The following FOXP1 variants were observed in gnomAD, a reference collection of about 807,000 sequenced individuals.
The protein encoded by FOXP1 is forkhead box P1.
Under a neutral mutation model 98.2 loss-of-function variants are expected in FOXP1, and 15 were observed. The ratio of observed to expected loss-of-function variants is 0.15; its 90% CI spans 0.10 to 0.24. The LOEUF (loss-of-function observed/expected upper bound fraction) is 0.24. Among genes scored for constraint, FOXP1 ranks in the 10% least tolerant of loss-of-function variants. The probability of loss-of-function intolerance (pLI) is 1.00; values close to 1 mark genes in which losing one functional copy is unlikely to be tolerated. For missense variants in FOXP1, 633 were observed against 848.5 expected, an observed-to-expected ratio of 0.75 and a Z score of 3.15; for synonymous variants, 371 against 314.5, an observed-to-expected ratio of 1.18 and a Z score of -1.90.
chr3:71,303,508 AAG>A (rs546671383), intron 4 of FOXP1, among the ~76,000 whole-genome samples: 83 of 152,316 alleles, frequency 5.4e-4, no homozygotes, highest in Middle Eastern at 3.4e-3. Flanking sequence ...GCCAATTTCC[AAG>A]AGTTTGCTGC....
chr3:71,386,203 G>A (rs560488878), intron 3 of FOXP1, among the ~76,000 whole-genome samples: 22 of 152,102 alleles, frequency 1.4e-4, no homozygotes, highest in Non-Finnish European at 2.8e-4. Context: ...TCCTATCTGG[G>A]CTCCTCACTA....
intron 3 of FOXP1, among the ~76,000 whole-genome samples, chr3:71,445,748 C>T (rs796071236): frequency 3.4e-5 from 5 of 147,894 alleles, no homozygotes; most frequent in Non-Finnish European, 4.4e-5. Context: ...AGTGCAGTGG[C>T]GCAATCTCAG....
intron 2 of FOXP1, among the ~76,000 whole-genome samples, chr3:71,494,925 AAAAAAGAAAAGAAAAAAG>A (rs1304611721): frequency 1.3e-5 from 2 of 152,064 alleles, no homozygotes; most frequent in African/African-American, 4.8e-5. Flanking sequence ...TAGAAAAAAA[AAAAAAGAAAAGAAAAAAG>A]AAAAAGAAAA....
chr3:71,319,822 T>A (rs1033764437), intron 4 of FOXP1, among the ~76,000 whole-genome samples: 8 of 152,086 alleles, frequency 5.3e-5, no homozygotes, highest in Admixed American at 6.6e-5. Context: ...AGCACCCTCT[T>A]CTCCGCCAAT....
intron 3 of FOXP1, among the ~76,000 whole-genome samples, chr3:71,374,426 G>C (rs1430501031): frequency 6.6e-6 from 1 of 151,888 alleles, no homozygotes; most frequent in Non-Finnish European, 1.5e-5. Context: ...AAACCAGTTT[G>C]TACTAAAAAT....
intron 5 of FOXP1, among the ~76,000 whole-genome samples, chr3:71,298,603 T>C (rs1012441423): frequency 6.6e-6 from 1 of 152,210 alleles, no homozygotes; most frequent in South Asian, 2.1e-4. Context: ...GAAACGTATG[T>C]TTGTCCTCTC....
intron 5 of FOXP1, among the ~76,000 whole-genome samples, chr3:71,281,270 A>T (rs2071535680): frequency 2.0e-5 from 3 of 151,980 alleles, no homozygotes; most frequent in Admixed American, 1.3e-4. Flanking sequence ...AAAAGGACAG[A>T]TTCTGGAGTT....
In FOXP1 at chr3:71,015,620, A is replaced by C; in HGVS notation, c.903T>G (p.Pro301=). 1 of 1,612,978 alleles carries C rather than the reference A, an allele frequency of 6.2e-7. No homozygotes were observed. Among genetic ancestry groups the C allele is most frequent in the Non-Finnish European group, 8.5e-7 (1 of 1,179,130 alleles). The change falls in exon 12 of 21, where the codon CCT becomes CCG. Residue 301 remains proline, a synonymous_variant. Transcript: ENST00000649528. ...ACTTGCATACACCATGTCCATAGAG[A>C]GGATGGCTATGGGGGTGCTCCTCAT... is the stretch of plus-strand genomic sequence containing the variant. ...LSHEEHPHSH[P]LYGHGVCKWP...
At chr3:71,286,507 G>A (rs1387819290) in intron 5 of FOXP1, among the ~76,000 whole-genome samples, 2 of 152,062 alleles carry the variant, frequency 1.3e-5, no homozygotes, top group Non-Finnish European at 2.9e-5. Context: ...CCCAACCAAA[G>A]CAAAATTTGC....
intron 20 of FOXP1, among the ~76,000 whole-genome samples, chr3:70,960,178 T>C (rs2032992017): frequency 1.3e-5 from 2 of 152,014 alleles, no homozygotes; most frequent in African/African-American, 4.8e-5. Context: ...AACTCCAAAT[T>C]AATGCATATT....
chr3:71,122,231 G>A (rs1023122172), intron 6 of FOXP1, among the ~76,000 whole-genome samples: 39 of 152,176 alleles, frequency 2.6e-4, no homozygotes, highest in African/African-American at 8.7e-4. Flanking sequence ...ACCTATGAAT[G>A]CTTTGCTTCA....
At chr3:71,348,784 TTGTC>T (rs2077577341) in intron 4 of FOXP1, among the ~76,000 whole-genome samples, 1 of 152,074 alleles carries the variant, frequency 6.6e-6, no homozygotes, top group African/African-American at 2.4e-5. Context: ...TACTCTGTGT[TTGTC>T]TGTTCACCTT....
chr3:71,220,528 G>A (rs531783500), intron 5 of FOXP1, among the ~76,000 whole-genome samples: 2 of 152,130 alleles, frequency 1.3e-5, no homozygotes, highest in South Asian at 4.1e-4. Flanking sequence ...CAGGTGGATC[G>A]CCTGAGCTTA....
intron 3 of FOXP1, among the ~76,000 whole-genome samples, chr3:71,438,397 TCC>T (rs1262150046): frequency 6.6e-6 from 1 of 152,222 alleles, no homozygotes; most frequent in African/African-American, 2.4e-5. Context: ...CACTTCTTTA[TCC>T]ACCTTTAAGA....
intron 4 of FOXP1, among the ~76,000 whole-genome samples, chr3:71,325,581 C>T (rs1452331507): frequency 6.6e-6 from 1 of 152,018 alleles, no homozygotes; most frequent in Non-Finnish European, 1.5e-5. Context: ...CAAGTTTGAC[C>T]AACAATACCA....
chr3:71,046,782 C>G (rs569289116), intron 10 of FOXP1, among the ~76,000 whole-genome samples, 160 bp downstream of exon 10: 1 of 152,316 alleles, frequency 6.6e-6, no homozygotes, highest in African/African-American at 2.4e-5. Flanking sequence ...AAGCATTTCA[C>G]CTTCTACATG....
At chr3:71,037,016 T>A (rs1286227438) in intron 11 of FOXP1, among the ~76,000 whole-genome samples, 1 of 152,202 alleles carries the variant, frequency 6.6e-6, no homozygotes, top group African/African-American at 2.4e-5. Flanking sequence ...ATCTTGGATA[T>A]GCCACTAACC....
intron 2 of FOXP1, among the ~76,000 whole-genome samples, chr3:71,511,816 A>G (rs756510003): frequency 3.3e-5 from 5 of 152,222 alleles, no homozygotes; most frequent in Non-Finnish European, 5.9e-5. Context: ...GGATAAATAT[A>G]TTCATGTGTA....
intron 1 of FOXP1, chr3:71,582,787 C>T: frequency 2.0e-6 from 2 of 985,180 alleles, no homozygotes. Flanking sequence ...TGGGGGTGCG[C>T]AGGTGCGTGT....
Sources: allele counts gnomAD v4.1 joint callset (sites outside exome capture counted in the v4.1 genomes callset), GRCh38; gene constraint gnomAD v4.1.1; transcripts MANE v1.5; gene names NCBI Gene and HGNC (gene_info 2026-07-23, HGNC 2026-07-21).